Variants in RSU1 observed in about 807,000 individuals in gnomAD.
RSU1 encodes the protein Ras suppressor protein 1, also known as rsu-1.
RSU1 carries 26 observed loss-of-function variants against 31.1 expected under a neutral mutation model. The ratio of observed to expected loss-of-function variants is 0.84; its 90% CI spans 0.61 to 1.16. The LOEUF (loss-of-function observed/expected upper bound fraction) is 1.16, where lower values mean the gene tolerates loss of function less well. RSU1 is among the 50% of genes most tolerant of loss of function. RSU1 has a pLI of 0.00. For synonymous variants in RSU1, 164 were observed against 136.3 expected (o/e 1.20, Z -1.41); for missense variants, 320 against 339.1 (o/e 0.94, Z 0.44).
At chr10:16,730,094 A>G (rs1696002579) in intron 7 of RSU1, among the ~76,000 whole-genome samples, 1 of 152,204 alleles carries the variant, frequency 6.6e-6, no homozygotes, top group Admixed American at 6.5e-5. Flanking sequence ...GCTGTTGTGT[A>G]TAGATGACAG....
chr10:16,753,927 T>C (rs921019429), intron 5 of RSU1, among the ~76,000 whole-genome samples: 6 of 152,168 alleles, frequency 3.9e-5, no homozygotes, highest in African/African-American at 1.2e-4. Context: ...CTGGCTACTT[T>C]TTAAATTTTT....
chr10:16,723,697 G>A (rs1332971181), intron 7 of RSU1, among the ~76,000 whole-genome samples: 1 of 152,138 alleles, frequency 6.6e-6, no homozygotes. Context: ...GGCTTGGCAG[G>A]TGTCAGGGCT....
intron 8 of RSU1, among the ~76,000 whole-genome samples, chr10:16,595,997 G>A (rs749375318): frequency 7.2e-5 from 11 of 151,908 alleles, no homozygotes; most frequent in East Asian, 1.9e-4. Context: ...CCATGAAAGC[G>A]CATTTTTCAA....
intron 2 of RSU1, among the ~76,000 whole-genome samples, chr10:16,789,396 A>G (rs1837866221): frequency 6.6e-6 from 1 of 152,224 alleles, no homozygotes; most frequent in Non-Finnish European, 1.5e-5. Flanking sequence ...TTAGGGCAAC[A>G]AAGGACTCCA....
intron 2 of RSU1, among the ~76,000 whole-genome samples, chr10:16,797,856 C>T (rs974045252): frequency 7.0e-4 from 72 of 103,508 alleles, no homozygotes; most frequent in African/African-American, 2.3e-3. Context: ...GGGATTTCTT[C>T]TTTTTTTTTT....
chr10:16,668,023 A>G (rs577039984), intron 8 of RSU1, among the ~76,000 whole-genome samples: 1 of 152,344 alleles, frequency 6.6e-6, no homozygotes, highest in Admixed American at 6.5e-5. Flanking sequence ...TAATAGAATA[A>G]CTGGTAGACT....
chr10:16,766,003 A>T (rs1837306253), intron 3 of RSU1, among the ~76,000 whole-genome samples: 1 of 152,278 alleles, frequency 6.6e-6, no homozygotes, highest in African/African-American at 2.4e-5. Context: ...GTAAAGGGAC[A>T]GGCACGTTGC....
intron 2 of RSU1, among the ~76,000 whole-genome samples, chr10:16,785,815 T>C (rs1249005628): frequency 6.6e-6 from 1 of 152,196 alleles, no homozygotes; most frequent in African/African-American, 2.4e-5. Context: ...TAAGTCTGCC[T>C]GGCCTCTCCA....
At chr10:16,708,371 T>C (rs1008326645) in intron 7 of RSU1, among the ~76,000 whole-genome samples, 2 of 152,182 alleles carry the variant, frequency 1.3e-5, no homozygotes, top group Non-Finnish European at 2.9e-5. Context: ...ATTGTCTTCC[T>C]GGTGAGTAGG....
chr10:16,729,889 G>A (rs1360716725), intron 7 of RSU1, among the ~76,000 whole-genome samples: 3 of 152,168 alleles, frequency 2.0e-5, no homozygotes, highest in Non-Finnish European at 4.4e-5. Context: ...GACTTGGAAA[G>A]TGCTTGTGTA....
chr10:16,622,832 C>A (rs1156779855), intron 8 of RSU1, among the ~76,000 whole-genome samples: 1 of 152,214 alleles, frequency 6.6e-6, no homozygotes, highest in Non-Finnish European at 1.5e-5. Flanking sequence ...ACTGCCTGGC[C>A]TCAGGGCCCC....
intron 7 of RSU1, among the ~76,000 whole-genome samples, chr10:16,715,374 C>T (rs1293792444): frequency 6.6e-6 from 1 of 152,198 alleles, no homozygotes; most frequent in South Asian, 2.1e-4. Context: ...AAGAAGTCAT[C>T]TTAAAGTCCA....
rs962105867 is a variant in RSU1 at position 16,596,778 on chromosome 10, A to G, written c.732-3282T>C. Among the ~76,000 whole-genome samples the G allele has an allele frequency of 3.9e-5, 6 of 152,228 alleles. No individual in the cohort carries two copies. The East Asian group carries it at 7.7e-4, about 20-fold the overall frequency. On this transcript the variant is annotated intron_variant, in intron 8 of 8. Transcript: ENST00000345264. ...TGCTCTGTCACCCAGGCTGGAGTGCAGTGGCAGTATCTCAGTTCACTGCAG... is the reference window on the plus strand; with the variant it reads ...TGCTCTGTCACCCAGGCTGGAGTGCGGTGGCAGTATCTCAGTTCACTGCAG...
At chr10:16,713,176 T>G (rs1222076188) in intron 7 of RSU1, among the ~76,000 whole-genome samples, 1 of 152,196 alleles carries the variant, frequency 6.6e-6, no homozygotes, top group Admixed American at 6.5e-5. Context: ...GATTATAATG[T>G]GCCTCAGAGA....
intron 8 of RSU1, among the ~76,000 whole-genome samples, chr10:16,681,052 A>G (rs1324901799): frequency 6.6e-6 from 1 of 152,202 alleles, no homozygotes; most frequent in Non-Finnish European, 1.5e-5. Flanking sequence ...TAGTTACACC[A>G]AACACAACAT....
intron 8 of RSU1, among the ~76,000 whole-genome samples, chr10:16,645,702 G>T (rs1429339783): frequency 6.6e-6 from 1 of 151,232 alleles, no homozygotes; most frequent in Non-Finnish European, 1.5e-5. Flanking sequence ...AACTACTTGG[G>T]AGGCTGAGGC....
In RSU1 at chr10:16,666,147, C is replaced by T. The variant is rs1588702815; in HGVS notation, c.731+28876G>A. Among the ~76,000 whole-genome samples, 5 of 152,178 alleles carry T rather than the reference C, an allele frequency of 3.3e-5. No homozygotes were observed. The East Asian group carries it at 9.7e-4, about 29-fold the overall frequency. On this transcript the variant is annotated intron_variant, in intron 8 of 8. Transcript: ENST00000345264. ...TATTTTACAGGTTATTAATATAACT[C>T]AATTTTTATTCTACAGCTATTCTAG...
intron 8 of RSU1, among the ~76,000 whole-genome samples, chr10:16,657,101 C>T (rs1383008387): frequency 6.6e-6 from 1 of 152,212 alleles, no homozygotes; most frequent in Non-Finnish European, 1.5e-5. Flanking sequence ...ATGACACATG[C>T]ACATGCTTAG....
At chr10:16,627,020 T>G (rs1834170206) in intron 8 of RSU1, among the ~76,000 whole-genome samples, 1 of 152,256 alleles carries the variant, frequency 6.6e-6, no homozygotes, top group African/African-American at 2.4e-5. Flanking sequence ...GAATGTATAC[T>G]GATATTCCTG....
Sources: gnomAD v4.1 joint callset for allele counts (sites outside exome capture counted in the v4.1 genomes callset) on GRCh38, gnomAD v4.1.1 for gene constraint, MANE v1.5 for transcripts, NCBI Gene and HGNC (gene_info 2026-07-23, HGNC 2026-07-21) for gene names.